Variants in UTP20 observed in about 807,000 individuals in gnomAD.
The protein encoded by UTP20 is UTP20 small subunit processome component.
Under a neutral mutation model 329.5 loss-of-function variants are expected in UTP20, and 164 were observed. That is an observed-to-expected ratio of 0.50 (90% CI 0.44 to 0.57). UTP20 has a LOEUF of 0.57. Ranked by LOEUF, UTP20 falls within the 20% of genes least tolerant of loss-of-function variation. The probability of loss-of-function intolerance (pLI) is 0.00; values close to 1 mark genes in which losing one functional copy is unlikely to be tolerated. For synonymous variants in UTP20, 1,151 were observed against 1,159.3 expected (o/e 0.99, Z 0.14); for missense variants, 3,055 against 3,284.2 (o/e 0.93, Z 1.71).
chr12:101,344,336 A>T (rs1869248546), intron 35 of UTP20, among the ~76,000 whole-genome samples: 1 of 152,322 alleles, frequency 6.6e-6, no homozygotes, highest in South Asian at 2.1e-4. Flanking sequence ...AGTAAAACTA[A>T]TTAACAAGGA....
intron 7 of UTP20, 109 bp from the exon 8 acceptor site, chr12:101,290,624 T>G: frequency 7.8e-7 from 1 of 1,283,910 alleles, no homozygotes; most frequent in Non-Finnish European, 1.0e-6. Flanking sequence ...TCCTTGACTA[T>G]TCCAGACCTG....
chr12:101,312,293 A>G lies in UTP20; in HGVS notation c.2552+17A>G. The G allele has an allele frequency of 6.2e-7, 1 of 1,612,892 alleles. No individual in the cohort carries two copies. The highest frequency in any genetic ancestry group is 2.2e-5 in the East Asian group (1 of 44,880). ...ATTTATCAAGTAAGTTTCCTCTTCT[A>G]AGAATATGTCCCTGGTGGGGCATGA... On this transcript the variant is annotated intron_variant, in intron 21 of 61. Transcript: ENST00000261637.
At chr12:101,366,742 T>C in intron 47 of UTP20, 43 bp downstream of exon 47, 11 of 1,586,076 alleles carry the variant, frequency 6.9e-6, no homozygotes, top group South Asian at 1.1e-5. Context: ...TTTCAGGGAG[T>C]CTGCACCTTT....
chr12:101,368,760 C>T (rs1378943291), intron 48 of UTP20, among the ~76,000 whole-genome samples: 1 of 152,068 alleles, frequency 6.6e-6, no homozygotes, highest in African/African-American at 2.4e-5. Context: ...AAAATTAGGG[C>T]GAGGGCCTAG....
chr12:101,353,016 G>T (rs746093594), intron 39 of UTP20, 31 bp from the exon 40 acceptor site: 3 of 1,380,414 alleles, frequency 2.2e-6, no homozygotes, highest in South Asian at 3.1e-5. Flanking sequence ...ATAATCAAAT[G>T]AACATTTCTG....
At chr12:101,309,863 A>T in intron 19 of UTP20, 24 bp downstream of exon 19, 1 of 1,599,520 alleles carries the variant, frequency 6.3e-7, no homozygotes, top group Non-Finnish European at 8.6e-7. Context: ...AAATGGGATG[A>T]AACTATTATA....
At chr12:101,325,360 C>T (rs1375587119) in intron 25 of UTP20, among the ~76,000 whole-genome samples, 1 of 152,174 alleles carries the variant, frequency 6.6e-6, no homozygotes, top group Non-Finnish European at 1.5e-5. Flanking sequence ...GTAGTTTGAG[C>T]CTCTGCTGCT....
At chr12:101,368,752 A>T (rs1282742156) in intron 48 of UTP20, among the ~76,000 whole-genome samples, 1 of 152,196 alleles carries the variant, frequency 6.6e-6, no homozygotes, top group South Asian at 2.1e-4. Context: ...TAAATGAGAA[A>T]ATTAGGGCGA....
At chr12:101,358,689 C>T (rs976420144) in intron 43 of UTP20, among the ~76,000 whole-genome samples, 1 of 152,148 alleles carries the variant, frequency 6.6e-6, no homozygotes, top group East Asian at 1.9e-4. Flanking sequence ...TTAGTTCTTT[C>T]CTTTAAAAAT....
chr12:101,306,549 A>G, intron 16 of UTP20, 150 bp from the exon 17 acceptor site: 1 of 599,592 alleles, frequency 1.7e-6, no homozygotes, highest in South Asian at 3.1e-5. Flanking sequence ...GGTGTTGAAT[A>G]TGAAATAAGG....
At chr12:101,300,088 T>G in intron 14 of UTP20, 27 bp downstream of exon 14, 4 of 1,592,452 alleles carry the variant, frequency 2.5e-6, no homozygotes, top group Non-Finnish European at 3.4e-6. Flanking sequence ...ATGTGTTCTC[T>G]TCTCTTCTTT....
Position 101,327,213 on chromosome 12 carries a change from C to A in UTP20, c.3174C>A (p.Asp1058Glu), listed in dbSNP as rs576184899. 4 of 1,605,976 alleles carry A rather than the reference C, an allele frequency of 2.5e-6. No homozygotes were observed. The South Asian group carries it at 3.3e-5, about 13-fold the overall frequency. Residue 1058 changes from aspartate (D) to glutamate (E), a missense_variant, in exon 26 of 62, where the codon GAC becomes GAA. Coordinates refer to ENST00000261637, the MANE Select transcript of UTP20 (RefSeq NM_014503.3). ...CTGAGGAGATCCAGATATTCTTAGA[C>A]CTGCTGTTTGAACCTGTGAGGCATT... ...TQPEEIQIFL[D>E]LLFEPVRHFK... is the part of the protein sequence containing the mutation.
At chr12:101,333,527 C>T (rs532838797) in intron 28 of UTP20, 83 bp downstream of exon 28, 1 of 1,498,076 alleles carries the variant, frequency 6.7e-7, no homozygotes, top group South Asian at 1.3e-5. Context: ...ACCACCCAGA[C>T]ATGAATGCTT....
intron 5 of UTP20, among the ~76,000 whole-genome samples, chr12:101,288,037 A>G (rs956457350): frequency 2.0e-5 from 3 of 152,160 alleles, no homozygotes; most frequent in African/African-American, 4.8e-5. Context: ...TGAAATGTCT[A>G]CTGGGTTCAT....
chr12:101,351,414 C>T (rs190997521), intron 38 of UTP20, among the ~76,000 whole-genome samples: 1 of 152,236 alleles, frequency 6.6e-6, no homozygotes, highest in Non-Finnish European at 1.5e-5. Flanking sequence ...CGTGTGCCAC[C>T]GCGCCTGGTC....
chr12:101,327,074 T>G lies in UTP20; in HGVS notation c.3042-7T>G. The G allele has an allele frequency of 1.3e-6, 2 of 1,589,106 alleles. No homozygotes were observed. The highest frequency in any genetic ancestry group is 1.7e-6 in the Non-Finnish European group (2 of 1,161,124). On this transcript the variant is annotated splice_region_variant and splice_polypyrimidine_tract_variant and intron_variant, in intron 25 of 61. Coordinates refer to ENST00000261637, the MANE Select transcript of UTP20 (RefSeq NM_014503.3). Reference sequence around the variant, plus strand: ...TGCAAACAAATAATGTGCTTTTGCCTTTTCAGAATTTTGTATGGGCGAATG... The same window carrying G: ...TGCAAACAAATAATGTGCTTTTGCCGTTTCAGAATTTTGTATGGGCGAATG...
intron 57 of UTP20, among the ~76,000 whole-genome samples, chr12:101,380,035 C>G (rs1448031949): frequency 6.6e-6 from 1 of 152,068 alleles, no homozygotes. Flanking sequence ...GTCTGTCTTG[C>G]CTCCTAATAA....
In UTP20 at chr12:101,319,707, C is replaced by G. The variant is rs955498334; in HGVS notation, c.2829+72C>G. 3.8e-6 allele frequency: 5 copies of G among 1,304,802 alleles called. No individual in the cohort carries two copies. In the African/African-American group the frequency reaches 7.6e-5, roughly 20 times the overall value. The allele number at this position is 1,304,802 out of a possible 1,614,324, so 80.8% of individuals were successfully genotyped here. A position where few individuals can be genotyped will look rare whatever the true frequency, so the allele number is the denominator to read the frequency against. On this transcript the variant is annotated intron_variant, in intron 23 of 61. Transcript: ENST00000261637. ...TCTATCATTTTCTTTGTCAGAGTAG[C>G]TTAGATTTTCAATAATTGCTGAATA... is the stretch of plus-strand genomic sequence containing the variant.
In UTP20 at chr12:101,306,700, T is replaced by G. The variant is rs765693560; in HGVS notation, c.1934T>G (p.Ile645Ser). The change falls in exon 17 of 62, where the codon ATT (isoleucine) becomes AGT (serine). Residue 645 changes from isoleucine (I) to serine (S), a missense_variant and splice_region_variant. Physicochemically the swap from Ile to Ser is moderately radical, Grantham distance 142. Coordinates refer to ENST00000261637, the MANE Select transcript of UTP20 (RefSeq NM_014503.3). ...AAAGATGCCTTTTACTTTCTCCAGATTCGGCTTTTGACAATAAGGATCCTA... is the reference window on the plus strand; with the variant it reads ...AAAGATGCCTTTTACTTTCTCCAGAGTCGGCTTTTGACAATAAGGATCCTA... The part of the protein sequence containing the change: ...QANISTGVSK[I>S]RLLTIRILNH... 5.6e-6 allele frequency: 9 copies of G among 1,603,304 alleles called. No individual in the cohort carries two copies. Among genetic ancestry groups the G allele is most frequent in the Admixed American group, 1.7e-5 (1 of 59,058 alleles).
Sources: allele counts gnomAD v4.1 joint callset (sites outside exome capture counted in the v4.1 genomes callset), GRCh38; gene constraint gnomAD v4.1.1; transcripts MANE v1.5; gene names NCBI Gene and HGNC (gene_info 2026-07-23, HGNC 2026-07-21).